PSG9: variants seen among roughly 807,000 people sequenced by gnomAD.
PSG9 encodes pregnancy-specific beta-1-glycoprotein 9.
Under a neutral mutation model 41.9 loss-of-function variants are expected in PSG9, and 49 were observed. The observed-to-expected ratio is 1.17, with a 90% CI of 0.93 to 1.48. The LOEUF (loss-of-function observed/expected upper bound fraction) is 1.48, where lower values mean the gene tolerates loss of function less well. Among genes scored for constraint, PSG9 ranks in the 40% most tolerant of loss-of-function variants. The pLI is 0.00. For missense variants in PSG9, 641 were observed against 520.3 expected (o/e 1.23, Z -2.26); for synonymous variants, 263 against 196.8 (o/e 1.34, Z -2.82).
At chr19:43,269,012 C>CTT (rs757718663) in intron 1 of PSG9, among the ~76,000 whole-genome samples, 6 of 148,612 alleles carry the variant, frequency 4.0e-5, no homozygotes, top group Admixed American at 1.3e-4. Context: ...TCCTTTTTTT[C>CTT]TTTTTTTTTT....
At position 43,262,776 on chromosome 19, in the gene PSG9, AC is replaced by A. The variant is rs780966068; in HGVS notation, c.431-639del. ...TCATAGTGACTGACTTGAGCCAGTGACCTCTAACGATAGAGCAGAGTCCAAG... is the reference window on the plus strand; with the variant it reads ...TCATAGTGACTGACTTGAGCCAGTGACTCTAACGATAGAGCAGAGTCCAAG... On this transcript the variant is annotated intron_variant, in intron 2 of 5. Coordinates refer to ENST00000270077, the MANE Select transcript of PSG9 (RefSeq NM_002784.5). 8.5e-5 allele frequency among the ~76,000 whole-genome samples: 13 copies of A among 152,236 alleles called. No individual in the cohort carries two copies. In the East Asian group the frequency reaches 2.1e-3, roughly 25 times the overall value.
rs370739415 is a variant in PSG9, at chr19:43,266,267, G to T, written c.430+1517C>A. Among the ~76,000 whole-genome samples the T allele has an allele frequency of 1.9e-3, 284 of 152,164 alleles. 2 individuals are homozygous for T. The highest frequency in any genetic ancestry group is 6.4e-3 in the African/African-American group (266 of 41,500). ...TACATGAGGTGGGGTGGCTTTAGGG[G>T]CAAGAGGTAGTGGGGGGATGAAACG... On this transcript the variant is annotated intron_variant, in intron 2 of 5. Coordinates refer to ENST00000270077, the MANE Select transcript of PSG9 (RefSeq NM_002784.5).
At chr19:43,257,764 G>A in intron 5 of PSG9, 2 of 1,256,586 alleles carry the variant, frequency 1.6e-6, no homozygotes, top group Non-Finnish European at 2.0e-6. Flanking sequence ...CTCACCCAAG[G>A]GGCTTCCTCC....
At chr19:43,269,231 C>T in intron 1 of PSG9, 137 bp downstream of exon 1, 2 of 1,448,966 alleles carry the variant, frequency 1.4e-6, no homozygotes, top group Admixed American at 1.9e-5. Context: ...ATCTTGAACT[C>T]CTGATCTCGT....
At chr19:43,253,801 C>T (rs943049963) in intron 5 of PSG9, among the ~76,000 whole-genome samples, 155 bp from the exon 6 acceptor site, 7 of 146,426 alleles carry the variant, frequency 4.8e-5, no homozygotes, top group Non-Finnish European at 8.9e-5. Context: ...TGGAGGATTC[C>T]CCATCAGCCT....
chr19:43,262,887 C>T (rs1340850968), intron 2 of PSG9, among the ~76,000 whole-genome samples: 4 of 152,184 alleles, frequency 2.6e-5, no homozygotes, highest in African/African-American at 7.2e-5. Context: ...GTCCATGATG[C>T]TCCCTTCCCC....
At chr19:43,266,273 G>A (rs1286740394) in intron 2 of PSG9, among the ~76,000 whole-genome samples, 1 of 152,054 alleles carries the variant, frequency 6.6e-6, no homozygotes, top group Non-Finnish European at 1.5e-5. Context: ...AGGGGCAAGA[G>A]GTAGTGGGGG....
chr19:43,258,736 C>T (rs753797701), intron 4 of PSG9, 121 bp downstream of exon 4: 1 of 1,472,486 alleles, frequency 6.8e-7, no homozygotes, highest in Non-Finnish European at 9.1e-7. Context: ...GTCATGGCCA[C>T]CTCGGATGTC....
rs549225516 is a variant in PSG9 at position 43,257,817 on chromosome 19, C to A, written c.1243+385G>T. The A allele has an allele frequency of 8.8e-5, 117 of 1,331,972 alleles. 17 individuals are homozygous for A. Among genetic ancestry groups the A allele is most frequent in the African/African-American group, 7.7e-4 (48 of 62,488 alleles). 82.5% of individuals were successfully genotyped at this position (1,331,972 alleles called of 1,614,324 possible). A position where few individuals can be genotyped will look rare whatever the true frequency, so the allele number is the denominator to read the frequency against. Reference sequence around the variant, plus strand: ...GTGTGAGCTTGTTTCAAAGCCTCAGCTGTCCCTTGTAGCTCATGGAATAGG... The same window carrying A: ...GTGTGAGCTTGTTTCAAAGCCTCAGATGTCCCTTGTAGCTCATGGAATAGG... On this transcript the variant is annotated intron_variant, in intron 5 of 5. Coordinates refer to ENST00000270077, the MANE Select transcript of PSG9 (RefSeq NM_002784.5).
intron 1 of PSG9, 122 bp downstream of exon 1, chr19:43,269,246 C>T: frequency 6.6e-7 from 1 of 1,520,578 alleles, no homozygotes; most frequent in Non-Finnish European, 9.0e-7. Flanking sequence ...TCTCGTGATC[C>T]ACCCACCTCA....
At chr19:43,264,036 G>T (rs146249398) in intron 2 of PSG9, among the ~76,000 whole-genome samples, 53 of 152,220 alleles carry the variant, frequency 3.5e-4, no homozygotes, top group Admixed American at 1.4e-3. Flanking sequence ...AAGTCTGTGT[G>T]AATCAGGAAG....
chr19:43,267,723 G>T, intron 2 of PSG9, 61 bp downstream of exon 2: 2 of 1,605,168 alleles, frequency 1.2e-6, no homozygotes, highest in South Asian at 2.2e-5. Flanking sequence ...ACAATCCTGT[G>T]TGTGTGAAGT....
intron 2 of PSG9, among the ~76,000 whole-genome samples, chr19:43,264,469 T>G (rs1968871259): frequency 6.6e-6 from 1 of 151,902 alleles, no homozygotes; most frequent in Admixed American, 6.6e-5. Flanking sequence ...CAGCATTTTT[T>G]TTTTCTGAGA....
intron 1 of PSG9, 131 bp from the exon 2 acceptor site, chr19:43,268,280 A>G: frequency 7.4e-7 from 1 of 1,349,742 alleles, no homozygotes; most frequent in Non-Finnish European, 1.0e-6. Flanking sequence ...ATACAAACAA[A>G]CACACACAAA....
Position 43,257,320 on chromosome 19 carries a change from G to A in PSG9, c.1243+882C>T, listed in dbSNP as rs932323302. The A allele has an allele frequency of 5.5e-6, 5 of 902,488 alleles. 1 individual carries two copies. Among genetic ancestry groups the A allele is most frequent in the Non-Finnish European group, 6.5e-6 (5 of 763,420 alleles). The allele number at this position is 902,488 out of a possible 1,614,324, so 55.9% of individuals were successfully genotyped here. ...AATTGCACACATAGAAATAGTTAAT[G>A]GTAAGTCTTATATTAGATATATATA... On this transcript the variant is annotated intron_variant, in intron 5 of 5. Coordinates refer to ENST00000270077, the MANE Select transcript of PSG9 (RefSeq NM_002784.5).
intron 5 of PSG9, 116 bp downstream of exon 5, chr19:43,258,086 T>C: frequency 6.3e-7 from 1 of 1,589,020 alleles, no homozygotes; most frequent in Non-Finnish European, 8.5e-7. Context: ...GAATTTGGGA[T>C]TTGCTTGTGC....
chr19:43,262,659 C>T (rs1968781400), intron 2 of PSG9, among the ~76,000 whole-genome samples: 1 of 152,116 alleles, frequency 6.6e-6, no homozygotes, highest in South Asian at 2.1e-4. Flanking sequence ...GCAGAAATAA[C>T]ACAGGGGAGA....
intron 5 of PSG9, among the ~76,000 whole-genome samples, chr19:43,255,284 G>T (rs1482668316): frequency 6.8e-6 from 1 of 146,148 alleles, no homozygotes. Flanking sequence ...TCAGTAATAA[G>T]ATTGAATCAA....
intron 2 of PSG9, among the ~76,000 whole-genome samples, chr19:43,263,764 T>C (rs1455191742): frequency 3.9e-5 from 6 of 152,034 alleles, no homozygotes; most frequent in African/African-American, 1.4e-4. Context: ...CAAAGAAAGA[T>C]GCCAAAGGTG....
Sources: allele counts gnomAD v4.1 joint callset (sites outside exome capture counted in the v4.1 genomes callset), GRCh38; gene constraint gnomAD v4.1.1; transcripts MANE v1.5; gene names NCBI Gene and HGNC (gene_info 2026-07-23, HGNC 2026-07-21).